The following ADAMTS16 variants were observed in gnomAD, a reference collection of about 807,000 sequenced individuals.
ADAMTS16 encodes the protein ADAM metallopeptidase with thrombospondin type 1 motif 16.
ADAMTS16 carries 94 observed loss-of-function variants against 145.8 expected under a neutral mutation model. The ratio of observed to expected loss-of-function variants is 0.64; its 90% CI spans 0.55 to 0.77. The LOEUF is 0.77. Among genes scored for constraint, ADAMTS16 ranks in the 30% least tolerant of loss-of-function variants. The pLI is 0.00. For missense variants in ADAMTS16, 1,585 were observed against 1,591.5 expected, an observed-to-expected ratio of 1.00 and a Z score of 0.07; for synonymous variants, 659 against 604.3, an observed-to-expected ratio of 1.09 and a Z score of -1.33.
At chr5:5,234,367 T>C (rs986239019) in intron 12 of ADAMTS16, among the ~76,000 whole-genome samples, 1 of 152,194 alleles carries the variant, frequency 6.6e-6, no homozygotes, top group Admixed American at 6.5e-5. Context: ...TGTGCTATCC[T>C]GGGAAAGTGT....
At chr5:5,251,918 G>C (rs553047821) in intron 17 of ADAMTS16, among the ~76,000 whole-genome samples, 2 of 152,042 alleles carry the variant, frequency 1.3e-5, no homozygotes, top group Non-Finnish European at 2.9e-5. Context: ...GTGCAGTGGC[G>C]CGACCTCGGC....
At chr5:5,264,964 G>C (rs1337874618) in intron 18 of ADAMTS16, among the ~76,000 whole-genome samples, 1 of 152,158 alleles carries the variant, frequency 6.6e-6, no homozygotes, top group Non-Finnish European at 1.5e-5. Flanking sequence ...CTGGCTGCTG[G>C]CCTTTCCCAC....
At chr5:5,304,457 A>AGG (rs1739941545) in intron 20 of ADAMTS16, among the ~76,000 whole-genome samples, 1 of 152,138 alleles carries the variant, frequency 6.6e-6, no homozygotes, top group Non-Finnish European at 1.5e-5. Context: ...CAGCACCACC[A>AGG]GCCAAGCATG....
chr5:5,144,255 A>T (rs1734238798), intron 2 of ADAMTS16, among the ~76,000 whole-genome samples: 1 of 152,228 alleles, frequency 6.6e-6, no homozygotes, highest in Non-Finnish European at 1.5e-5. Context: ...CATTTTGTCC[A>T]GATAATCTAC....
At chr5:5,296,215 A>G (rs2126498473) in intron 18 of ADAMTS16, among the ~76,000 whole-genome samples, 1 of 152,300 alleles carries the variant, frequency 6.6e-6, no homozygotes. Context: ...AGGCTAAGTC[A>G]CAGGCTCTGA....
At chr5:5,159,538 T>C (rs980957401) in intron 3 of ADAMTS16, among the ~76,000 whole-genome samples, 5 of 152,120 alleles carry the variant, frequency 3.3e-5, no homozygotes, top group Non-Finnish European at 1.5e-5. Flanking sequence ...GTAATACAAA[T>C]AAAATCTAAT....
intron 8 of ADAMTS16, among the ~76,000 whole-genome samples, chr5:5,198,938 C>T (rs1006406407): frequency 2.6e-5 from 4 of 152,186 alleles, no homozygotes; most frequent in Admixed American, 6.5e-5. Context: ...TTGCCTTCCC[C>T]CTTTTCTCTG....
chr5:5,234,041 GGT>G (rs1737019231), intron 12 of ADAMTS16, among the ~76,000 whole-genome samples: 2 of 152,304 alleles, frequency 1.3e-5, no homozygotes, highest in South Asian at 2.1e-4. Flanking sequence ...CATTCTGACT[GGT>G]GTTTTTCACA....
intron 18 of ADAMTS16, among the ~76,000 whole-genome samples, chr5:5,292,682 C>G (rs1739380138): frequency 6.6e-6 from 1 of 152,078 alleles, no homozygotes; most frequent in Non-Finnish European, 1.5e-5. Context: ...ACTGCCTCCT[C>G]CAGTGTCTTC....
At chr5:5,190,528 C>G (rs1252507822) in intron 7 of ADAMTS16, among the ~76,000 whole-genome samples, 1 of 151,858 alleles carries the variant, frequency 6.6e-6, no homozygotes, top group Non-Finnish European at 1.5e-5. Context: ...TTTCCCTTCT[C>G]TCTCTGTATC....
intron 2 of ADAMTS16, 72 bp downstream of exon 2, chr5:5,140,838 T>A: frequency 7.0e-7 from 1 of 1,420,182 alleles, no homozygotes; most frequent in Non-Finnish European, 9.4e-7. Flanking sequence ...GCTGGTTTAT[T>A]AGGTGCTGTG....
chr5:5,202,836 A>C (rs1199659136), intron 9 of ADAMTS16, among the ~76,000 whole-genome samples: 1 of 152,220 alleles, frequency 6.6e-6, no homozygotes, highest in African/African-American at 2.4e-5. Flanking sequence ...AGTCCAAAAA[A>C]AGTTTTGAAA....
intron 18 of ADAMTS16, among the ~76,000 whole-genome samples, chr5:5,272,360 ATT>A (rs11444357): frequency 0.013 from 1,596 of 122,480 alleles, 39 homozygotes; most frequent in African/African-American, 0.045. Context: ...ATTCCAAAGG[ATT>A]TTTTTTTTTT....
In ADAMTS16 at chr5:5,310,462, T is replaced by C. The variant is rs561485299; in HGVS notation, c.3411+3734T>C. Among the ~76,000 whole-genome samples the C allele has an allele frequency of 6.6e-6, 1 of 152,296 alleles. No individual in the cohort carries two copies. Among genetic ancestry groups the C allele is most frequent in the South Asian group, 2.1e-4 (1 of 4,824 alleles). ...TAATCTTATTGGAAATAGATGCAGA[T>C]GTAATGACCTGGGCTGACATCATCC... On this transcript the variant is annotated intron_variant, in intron 21 of 22. Coordinates refer to ENST00000274181, the MANE Select transcript of ADAMTS16 (RefSeq NM_139056.4). The surrounding 1 kb of genome is among the most constrained non-coding windows in gnomAD (Gnocchi z 4.3).
rs1009141120 is a variant in ADAMTS16 at position 5,232,486 on chromosome 5, C to G, written c.1820C>G (p.Ser607Cys). The part of the protein sequence containing the change: ...PCSRTCGGGV[S>C]HRSRLCTNPK... ...TCCAGGACCTGCGGAGGGGGAGTAT[C>G]TCATAGGAGTCGCCTCTGCACCAAC... The change falls in exon 12 of 23, where the codon TCT becomes TGT. Residue 607 changes from serine to cysteine, a missense_variant. Physicochemically the swap from Ser to Cys is moderately radical, Grantham distance 112 (BLOSUM62 -1). Transcript: ENST00000274181. 6.8e-6 allele frequency: 11 copies of G among 1,613,732 alleles called. No homozygotes were observed. In the African/African-American group the frequency reaches 1.3e-4, roughly 20 times the overall value.
chr5:5,188,560 C>A (rs1735574578), intron 6 of ADAMTS16, among the ~76,000 whole-genome samples: 1 of 152,188 alleles, frequency 6.6e-6, no homozygotes, highest in South Asian at 2.1e-4. Context: ...AGAGTGGGTA[C>A]TGGACAGGAG....
intron 3 of ADAMTS16, among the ~76,000 whole-genome samples, chr5:5,181,045 C>A (rs547612996): frequency 6.9e-4 from 105 of 152,218 alleles, no homozygotes; most frequent in Middle Eastern, 3.4e-3. Flanking sequence ...TACTGGTAAC[C>A]ATTTAAATTG....
At chr5:5,264,810 A>C (rs2126437537) in intron 18 of ADAMTS16, among the ~76,000 whole-genome samples, 1 of 152,298 alleles carries the variant, frequency 6.6e-6, no homozygotes, top group East Asian at 1.9e-4. Context: ...TAAGTGCTTA[A>C]GATGCAGCAC....
At chr5:5,203,572 A>G (rs1270756980) in intron 9 of ADAMTS16, among the ~76,000 whole-genome samples, 1 of 152,190 alleles carries the variant, frequency 6.6e-6, no homozygotes, top group East Asian at 1.9e-4. Flanking sequence ...AGAGTTATGA[A>G]GGCTTGATAG....
Sources: gnomAD v4.1 joint callset for allele counts (sites outside exome capture counted in the v4.1 genomes callset) on GRCh38, gnomAD v4.1.1 for gene constraint, Gnocchi (gnomAD v3.1) non-coding constraint, MANE v1.5 for transcripts, NCBI Gene and HGNC (gene_info 2026-07-23, HGNC 2026-07-21) for gene names.